The following GABRB1 variants were observed in gnomAD, a reference collection of about 807,000 sequenced individuals.
GABRB1 encodes gamma-aminobutyric acid type A receptor subunit beta1, also known as gamma-aminobutyric acid receptor subunit beta-1.
GABRB1 carries 17 observed loss-of-function variants against 51.6 expected under a neutral mutation model. The observed-to-expected ratio is 0.33, with a 90% confidence interval of 0.23 to 0.49. GABRB1 has a LOEUF of 0.49. Among genes scored for constraint, GABRB1 ranks in the 20% least tolerant of loss-of-function variants. GABRB1 has a pLI of 0.99. For synonymous variants in GABRB1, 247 were observed against 218.9 expected (o/e 1.13, Z -1.14); for missense variants, 410 against 600.6 (o/e 0.68, Z 3.32).
chr4:47,151,787 G>T (rs1022372395), intron 3 of GABRB1, among the ~76,000 whole-genome samples: 5 of 151,902 alleles, frequency 3.3e-5, no homozygotes, highest in Admixed American at 3.3e-4. Context: ...TCATTATCTT[G>T]ATGAATTAAT....
chr4:47,343,626 A>G (rs1397238349), intron 5 of GABRB1, among the ~76,000 whole-genome samples: 2 of 152,180 alleles, frequency 1.3e-5, no homozygotes, highest in East Asian at 3.9e-4. Context: ...GATTGAGAGA[A>G]TGGCTGAGAA....
chr4:47,238,961 C>T (rs907496615), intron 4 of GABRB1, among the ~76,000 whole-genome samples: 1 of 152,178 alleles, frequency 6.6e-6, no homozygotes, highest in Non-Finnish European at 1.5e-5. Flanking sequence ...TGAGGACAGA[C>T]ATTCATGGTC....
At chr4:47,023,214 G>T (rs1374597388) in intron 1 of GABRB1, among the ~76,000 whole-genome samples, 1 of 152,036 alleles carries the variant, frequency 6.6e-6, no homozygotes, top group Middle Eastern at 3.4e-3. Context: ...GCTGGGATTC[G>T]TTAACGGATA....
intron 4 of GABRB1, among the ~76,000 whole-genome samples, chr4:47,262,048 T>C (rs1368672793): frequency 6.6e-6 from 1 of 151,566 alleles, no homozygotes; most frequent in East Asian, 1.9e-4. Context: ...CAATTCAAGA[T>C]GGATTAAAGA....
At chr4:47,180,322 ATGTAATGAG>A (rs1467198267) in intron 4 of GABRB1, among the ~76,000 whole-genome samples, 1 of 152,068 alleles carries the variant, frequency 6.6e-6, no homozygotes, top group Non-Finnish European at 1.5e-5. Flanking sequence ...TTATTCTTCA[ATGTAATGAG>A]TCATATTAAG....
upstream of GABRB1, among the ~76,000 whole-genome samples, chr4:47,028,255 T>A (rs114936991): frequency 9.2e-3 from 1,401 of 151,844 alleles, 18 homozygotes; most frequent in African/African-American, 0.031. Flanking sequence ...ATAGATATGT[T>A]ACGTGAAATA....
At chr4:47,058,949 T>A (rs28445606) in intron 3 of GABRB1, among the ~76,000 whole-genome samples, 2,169 of 152,282 alleles carry the variant, frequency 0.014, 40 homozygotes, top group African/African-American at 0.05. Context: ...AAAATGGTGG[T>A]TTATACTAAT....
intron 1 of GABRB1, among the ~76,000 whole-genome samples, chr4:46,995,598 A>G (rs541503672): frequency 3.2e-4 from 48 of 152,274 alleles, no homozygotes; most frequent in Middle Eastern, 3.4e-3. Flanking sequence ...TCCTGGTCTC[A>G]AGTGATCCTC....
At chr4:47,378,166 T>C (rs1188949819) in intron 5 of GABRB1, among the ~76,000 whole-genome samples, 4 of 152,162 alleles carry the variant, frequency 2.6e-5, no homozygotes, top group African/African-American at 4.8e-5. Context: ...GGCTCAGGCA[T>C]GGCGGGCTGC....
At chr4:47,048,075 C>T (rs1726178097) in intron 3 of GABRB1, among the ~76,000 whole-genome samples, 1 of 152,124 alleles carries the variant, frequency 6.6e-6, no homozygotes, top group South Asian at 2.1e-4. Flanking sequence ...TTTCTCTTAA[C>T]ATCTTTCCTG....
At chr4:47,088,121 CACTTCA>C (rs2109580683) in intron 3 of GABRB1, among the ~76,000 whole-genome samples, 1 of 152,274 alleles carries the variant, frequency 6.6e-6, no homozygotes, top group East Asian at 1.9e-4. Context: ...TCCATGGAAA[CACTTCA>C]AAAGTAGAAA....
chr4:47,128,606 G>C (rs984073456), intron 3 of GABRB1, among the ~76,000 whole-genome samples: 1 of 151,920 alleles, frequency 6.6e-6, no homozygotes, highest in Non-Finnish European at 1.5e-5. Context: ...TTAGAGTATA[G>C]AAATCATATC....
chr4:47,366,566 T>C (rs919114272), intron 5 of GABRB1, among the ~76,000 whole-genome samples: 10 of 152,098 alleles, frequency 6.6e-5, no homozygotes, highest in Admixed American at 1.3e-4. Context: ...CCAAACTGAG[T>C]CTCCTATTTT....
chr4:47,333,735 G>C (rs1016481155), intron 5 of GABRB1, among the ~76,000 whole-genome samples: 3 of 151,728 alleles, frequency 2.0e-5, no homozygotes, highest in Non-Finnish European at 4.4e-5. Context: ...CCAAAAAAAA[G>C]AATAGCTTGT....
intron 1 of GABRB1, among the ~76,000 whole-genome samples, chr4:47,017,082 T>C (rs1376303145): frequency 6.6e-6 from 1 of 152,188 alleles, no homozygotes; most frequent in African/African-American, 2.4e-5. Context: ...GAAGTGCTAA[T>C]AAGGTATTTA....
intron 4 of GABRB1, among the ~76,000 whole-genome samples, chr4:47,232,342 T>C (rs933593551): frequency 6.6e-6 from 1 of 152,170 alleles, no homozygotes; most frequent in East Asian, 1.9e-4. Context: ...TATTTATGTA[T>C]TTTTTACCAT....
intron 3 of GABRB1, among the ~76,000 whole-genome samples, chr4:47,060,051 T>C (rs1484555205): frequency 6.6e-6 from 1 of 152,234 alleles, no homozygotes; most frequent in Non-Finnish European, 1.5e-5. Context: ...TATTTTATGG[T>C]GTCACCAAAT....
intron 8 of GABRB1, among the ~76,000 whole-genome samples, chr4:47,409,716 C>T (rs1728700656): frequency 6.6e-6 from 1 of 152,238 alleles, no homozygotes; most frequent in South Asian, 2.1e-4. Context: ...CCCCTTCTTT[C>T]CAGTATTTTC....
chr4:47,130,304 A>G (rs549880139), intron 3 of GABRB1, among the ~76,000 whole-genome samples: 1 of 149,666 alleles, frequency 6.7e-6, no homozygotes, highest in Non-Finnish European at 1.5e-5. Context: ...ACATTCCCCC[A>G]TAATGTCTGG....
Sources: gnomAD v4.1 joint callset for allele counts (sites outside exome capture counted in the v4.1 genomes callset) on GRCh38, gnomAD v4.1.1 for gene constraint, MANE v1.5 for transcripts, NCBI Gene and HGNC (gene_info 2026-07-23, HGNC 2026-07-21) for gene names.